Variants in ATP2C1 observed in about 807,000 individuals in gnomAD.
ATP2C1 encodes the protein ATPase secretory pathway Ca2+ transporting 1.
ATP2C1 carries 31 observed loss-of-function variants against 120.5 expected under a neutral mutation model. The observed-to-expected ratio is 0.26, with a 90% CI of 0.19 to 0.35. ATP2C1 has a LOEUF of 0.35. Ranked by LOEUF, ATP2C1 falls within the 10% of genes least tolerant of loss-of-function variation. The probability of loss-of-function intolerance (pLI) is 1.00; values close to 1 mark genes in which losing one functional copy is unlikely to be tolerated. For missense variants in ATP2C1, 731 were observed against 1,107.5 expected (o/e 0.66, Z 4.83); for synonymous variants, 351 against 358.7 (o/e 0.98, Z 0.24).
intron 8 of ATP2C1, among the ~76,000 whole-genome samples, chr3:130,947,886 A>G (rs2060216521): frequency 6.6e-6 from 1 of 152,112 alleles, no homozygotes; most frequent in African/African-American, 2.4e-5. Context: ...GTGGATTACA[A>G]TGAACATCCT....
chr3:130,937,488 G>A (rs773457846), intron 6 of ATP2C1, 25 bp downstream of exon 6: 2 of 1,603,004 alleles, frequency 1.2e-6, no homozygotes, highest in Admixed American at 3.3e-5. Flanking sequence ...TTGCCAACAT[G>A]AAAATGGTAT....
At chr3:130,926,503 G>A (rs2059212866) in intron 2 of ATP2C1, among the ~76,000 whole-genome samples, 1 of 152,228 alleles carries the variant, frequency 6.6e-6, no homozygotes, top group Non-Finnish European at 1.5e-5. Flanking sequence ...GGGATAACCA[G>A]ATCGTTTTAA....
At chr3:130,929,429 C>A (rs2059361639) in intron 2 of ATP2C1, among the ~76,000 whole-genome samples, 1 of 152,134 alleles carries the variant, frequency 6.6e-6, no homozygotes, top group Non-Finnish European at 1.5e-5. Flanking sequence ...CTTAAAGATA[C>A]TGCTTTAAAA....
At chr3:130,974,596 A>G (rs552560013) in intron 17 of ATP2C1, among the ~76,000 whole-genome samples, 11 of 152,286 alleles carry the variant, frequency 7.2e-5, no homozygotes, top group African/African-American at 2.6e-4. Flanking sequence ...CTTAGCAGCA[A>G]AGAGTCTTGT....
intron 2 of ATP2C1, among the ~76,000 whole-genome samples, chr3:130,910,146 T>A (rs2058330983): frequency 6.6e-6 from 1 of 152,202 alleles, no homozygotes; most frequent in Admixed American, 6.5e-5. Context: ...GTAGTTCTCC[T>A]TGAAGAGGTC....
intron 20 of ATP2C1, among the ~76,000 whole-genome samples, chr3:130,990,504 T>A (rs67658967): frequency 0.14 from 21,952 of 152,052 alleles, 1,809 homozygotes; most frequent in Non-Finnish European, 0.19. Context: ...AGGAAAAGAT[T>A]AATGATAGGA....
At chr3:130,938,622 C>T (rs2059769531) in intron 6 of ATP2C1, among the ~76,000 whole-genome samples, 1 of 152,218 alleles carries the variant, frequency 6.6e-6, no homozygotes, top group Non-Finnish European at 1.5e-5. Flanking sequence ...GGGGAATCTT[C>T]TTGCTTAGAC....
intron 10 of ATP2C1, chr3:130,955,721 C>A (rs2060551806): frequency 9.1e-6 from 2 of 220,670 alleles, no homozygotes; most frequent in South Asian, 6.5e-5. Flanking sequence ...ATTAAAAGAC[C>A]TGGGTTACTA....
upstream of ATP2C1, among the ~76,000 whole-genome samples, chr3:130,889,358 T>A (rs550345910): frequency 6.6e-6 from 1 of 152,202 alleles, no homozygotes; most frequent in Non-Finnish European, 1.5e-5. Flanking sequence ...GGACCTAGTG[T>A]ACAATGCTTT....
At chr3:130,975,183 A>G in intron 17 of ATP2C1, 149 bp from the exon 18 acceptor site, 2 of 732,226 alleles carry the variant, frequency 2.7e-6, no homozygotes, top group Non-Finnish European at 4.8e-6. Context: ...AGGAATATTT[A>G]ATCTTCAGAG....
At chr3:130,940,749 A>G (rs2108441909) in intron 7 of ATP2C1, 58 bp downstream of exon 7, 4 of 1,251,492 alleles carry the variant, frequency 3.2e-6, no homozygotes, top group Non-Finnish European at 4.7e-6. Context: ...GTTGAATGTG[A>G]CTAGTACCGT....
chr3:130,995,827 G>A (rs1416864963), intron 22 of ATP2C1, among the ~76,000 whole-genome samples: 1 of 152,116 alleles, frequency 6.6e-6, no homozygotes, highest in Non-Finnish European at 1.5e-5. Flanking sequence ...TTTTAGTAGA[G>A]ACGGAGTTTC....
intron 12 of ATP2C1, among the ~76,000 whole-genome samples, chr3:130,961,547 GA>G (rs1375215349): frequency 1.3e-5 from 2 of 151,806 alleles, no homozygotes; most frequent in Non-Finnish European, 2.9e-5. Context: ...AAAACAATAA[GA>G]AAGCAGAAAA....
chr3:130,925,806 G>A (rs1576742892), intron 2 of ATP2C1, among the ~76,000 whole-genome samples: 1 of 151,762 alleles, frequency 6.6e-6, no homozygotes, highest in African/African-American at 2.4e-5. Flanking sequence ...TGTTGCGGGG[G>A]GTGGGGTGAG....
At chr3:130,932,205 G>A (rs2059479362) in intron 4 of ATP2C1, 67 bp downstream of exon 4, 1 of 995,540 alleles carries the variant, frequency 1.0e-6, no homozygotes, top group Admixed American at 1.7e-5. Flanking sequence ...TTATGTAGTT[G>A]CTTACTTTTG....
At chr3:130,867,714 C>G (rs1278697587) in intron 1 of ATP2C1, among the ~76,000 whole-genome samples, 3 of 145,528 alleles carry the variant, frequency 2.1e-5, no homozygotes, top group Non-Finnish European at 4.5e-5. Context: ...GCCGCCACCC[C>G]GTCTGGGAAG....
chr3:130,963,723 G>C (rs188422246), intron 12 of ATP2C1: 1 of 464,476 alleles, frequency 2.2e-6, no homozygotes, highest in Non-Finnish European at 3.9e-6. Context: ...AGTAAGAGAT[G>C]GTGAAGCCAG....
At chr3:130,947,577 G>A (rs1405409764) in intron 8 of ATP2C1, among the ~76,000 whole-genome samples, 2 of 151,938 alleles carry the variant, frequency 1.3e-5, no homozygotes, top group Non-Finnish European at 1.5e-5. Context: ...ATGTTTTTAG[G>A]TACTTCATTC....
At chr3:130,949,447 A>C (rs934672742) in intron 8 of ATP2C1, among the ~76,000 whole-genome samples, 6 of 152,174 alleles carry the variant, frequency 3.9e-5, no homozygotes, top group African/African-American at 1.4e-4. Context: ...AAAAGTTTGA[A>C]GCTTGCAGAG....
Sources: allele counts gnomAD v4.1 joint callset (sites outside exome capture counted in the v4.1 genomes callset), GRCh38; gene constraint gnomAD v4.1.1; transcripts MANE v1.5; gene names NCBI Gene and HGNC (gene_info 2026-07-23, HGNC 2026-07-21).